RGS21: variants seen among roughly 807,000 people sequenced by gnomAD.
RGS21 encodes regulator of G-protein signalling 21.
In RGS21, 19 loss-of-function variants were observed where a neutral mutation model predicts 18.7. The ratio of observed to expected loss-of-function variants is 1.01; its 90% CI spans 0.71 to 1.49. RGS21 has a LOEUF of 1.49. Ranked by LOEUF, RGS21 falls within the 40% of genes most tolerant of loss-of-function variation. The probability of loss-of-function intolerance (pLI) is 0.00; values close to 1 mark genes in which losing one functional copy is unlikely to be tolerated. For missense variants in RGS21, 194 were observed against 176.8 expected (o/e 1.10, Z -0.55); for synonymous variants, 56 against 57.8 (o/e 0.97, Z 0.14).
rs953507965 is a variant in RGS21 at position 192,343,053 on chromosome 1, T to C, written c.11+6T>C. The C allele has an allele frequency of 1.2e-6, 2 of 1,612,470 alleles. No individual in the cohort carries two copies. The highest frequency in any genetic ancestry group is 2.2e-5 in the East Asian group (1 of 44,802). Reference sequence around the variant, plus strand: ...GAACGAAAAATGCCAGTGAAGTGAGTTGCCGTTTCCAGCTATTTTTATCTC... The same window carrying C: ...GAACGAAAAATGCCAGTGAAGTGAGCTGCCGTTTCCAGCTATTTTTATCTC... On this transcript the variant is annotated splice_donor_region_variant and intron_variant, in intron 2 of 4. Coordinates refer to ENST00000417209, the MANE Select transcript of RGS21 (RefSeq NM_001039152.3).
chr1:192,330,603 C>T (rs1252927221), intron 1 of RGS21, among the ~76,000 whole-genome samples: 1 of 152,136 alleles, frequency 6.6e-6, no homozygotes, highest in East Asian at 1.9e-4. Flanking sequence ...TAAGACTCTT[C>T]TAAGATATGT....
intron 2 of RGS21, among the ~76,000 whole-genome samples, chr1:192,345,865 TATAAC>T (rs548678915): frequency 7.2e-5 from 11 of 152,194 alleles, no homozygotes; most frequent in East Asian, 5.8e-4. Context: ...TTATATGAAA[TATAAC>T]ATAAGCTTAT....
At chr1:192,346,568 G>A (rs1658946733) in intron 2 of RGS21, among the ~76,000 whole-genome samples, 1 of 152,000 alleles carries the variant, frequency 6.6e-6, no homozygotes, top group Non-Finnish European at 1.5e-5. Context: ...ATTAAGAGGA[G>A]TAATGTATGA....
intron 1 of RGS21, among the ~76,000 whole-genome samples, chr1:192,328,692 T>A (rs1658603180): frequency 6.6e-6 from 1 of 152,174 alleles, no homozygotes; most frequent in Non-Finnish European, 1.5e-5. Flanking sequence ...AAATTTGATC[T>A]AGCAATCTCA....
chr1:192,342,902 G>A, intron 1 of RGS21, 75 bp from the exon 2 acceptor site: 1 of 813,762 alleles, frequency 1.2e-6, no homozygotes, highest in Non-Finnish European at 2.1e-6. Flanking sequence ...AGAATTTAAA[G>A]AATGCCAATT....
At chr1:192,363,197 A>G (rs1157290495) in intron 4 of RGS21, among the ~76,000 whole-genome samples, 1 of 152,162 alleles carries the variant, frequency 6.6e-6, no homozygotes, top group Non-Finnish European at 1.5e-5. Context: ...TGTAAAGGCC[A>G]TGAATGCCAA....
chr1:192,326,658 C>T (rs1571449042), intron 1 of RGS21, among the ~76,000 whole-genome samples: 1 of 152,232 alleles, frequency 6.6e-6, no homozygotes, highest in East Asian at 1.9e-4. Context: ...GAAATGCACA[C>T]AATGATAGAG....
intron 1 of RGS21, among the ~76,000 whole-genome samples, chr1:192,319,334 G>C (rs908433567): frequency 2.0e-5 from 3 of 151,936 alleles, no homozygotes; most frequent in Non-Finnish European, 2.9e-5. Context: ...CAAAATGTTT[G>C]TTTTCTAGGA....
intron 4 of RGS21, among the ~76,000 whole-genome samples, chr1:192,355,942 A>G (rs573879473): frequency 1.7e-3 from 264 of 151,732 alleles, no homozygotes; most frequent in Non-Finnish European, 3.2e-3. Flanking sequence ...TATAGTATCA[A>G]ATCATATCAT....
intron 1 of RGS21, among the ~76,000 whole-genome samples, chr1:192,324,297 G>A (rs1210668458): frequency 6.6e-6 from 1 of 152,030 alleles, no homozygotes; most frequent in East Asian, 1.9e-4. Flanking sequence ...TTTCTCATTA[G>A]GCAAGTTTTC....
intron 3 of RGS21, among the ~76,000 whole-genome samples, chr1:192,348,947 TTTAGAAATAA>T (rs148448703): frequency 6.4e-5 from 7 of 108,874 alleles, no homozygotes; most frequent in East Asian, 4.0e-4. Flanking sequence ...AAATGACTAA[TTTAGAAATAA>T]TTAGAAATAA....
rs368324399 is a variant in RGS21 at position 192,347,355 on chromosome 1, G to C, written c.54G>C (p.Trp18Cys). 4 of 1,607,310 alleles carry C rather than the reference G, an allele frequency of 2.5e-6. No individual in the cohort carries two copies. The highest frequency in any genetic ancestry group is 3.4e-6 in the Non-Finnish European group (4 of 1,174,794). The change falls in exon 3 of 5, where the codon TGG becomes TGC. Residue 18 changes from tryptophan to cysteine, a missense_variant. Trp to Cys is a radical substitution (Grantham distance 215). Transcript: ENST00000417209. ...CACCAACTGCGGAAACAATGACATGGTCTGAAAATATGGACACGCTTTTAG... is the reference window on the plus strand; with the variant it reads ...CACCAACTGCGGAAACAATGACATGCTCTGAAAATATGGACACGCTTTTAG... ...YRSPTAETMT[W>C]SENMDTLLAN... is the part of the protein sequence containing the mutation.
chr1:192,362,496 G>C (rs1170182238), intron 4 of RGS21, among the ~76,000 whole-genome samples: 2 of 152,210 alleles, frequency 1.3e-5, no homozygotes, highest in African/African-American at 2.4e-5. Flanking sequence ...ACAGGTGTCA[G>C]AGACAATTCC....
chr1:192,365,853 T>A, intron 4 of RGS21, 68 bp from the exon 5 acceptor site: 1 of 827,916 alleles, frequency 1.2e-6, no homozygotes, highest in Non-Finnish European at 2.0e-6. Context: ...TTTTAAATAA[T>A]ATATATGTAT....
At chr1:192,333,928 C>T (rs1658726890) in intron 1 of RGS21, among the ~76,000 whole-genome samples, 1 of 152,032 alleles carries the variant, frequency 6.6e-6, no homozygotes, top group South Asian at 2.1e-4. Flanking sequence ...TCTGTTCTGT[C>T]TTTATATCTG....
chr1:192,337,233 T>C (rs1199079875), intron 1 of RGS21, among the ~76,000 whole-genome samples: 1 of 152,080 alleles, frequency 6.6e-6, no homozygotes, highest in Non-Finnish European at 1.5e-5. Flanking sequence ...TGTACGTTTT[T>C]GAAATGCTAG....
chr1:192,335,179 C>T lies in RGS21; in HGVS notation c.-60-7798C>T, dbSNP rs533914661. 1.6e-3 allele frequency among the ~76,000 whole-genome samples: 247 copies of T among 152,128 alleles called. 1 individual carries two copies. The highest frequency in any genetic ancestry group is 5.6e-3 in the African/African-American group (234 of 41,516). ...ATGAACATAATTTGAAATTTTAAAT[C>T]GTGAAAGAACATGGATTTTGGAATC... On this transcript the variant is annotated intron_variant, in intron 1 of 4. Coordinates refer to ENST00000417209, the MANE Select transcript of RGS21 (RefSeq NM_001039152.3).
intron 1 of RGS21, among the ~76,000 whole-genome samples, chr1:192,335,476 G>A (rs527597152): frequency 2.4e-4 from 37 of 152,078 alleles, no homozygotes; most frequent in African/African-American, 4.1e-4. Context: ...TTAGTTTTAC[G>A]TATTGTTTTT....
chr1:192,324,519 T>C (rs1658539567), intron 1 of RGS21, among the ~76,000 whole-genome samples: 1 of 152,012 alleles, frequency 6.6e-6, no homozygotes, highest in South Asian at 2.1e-4. Flanking sequence ...AATTTCACAT[T>C]GGAAAAAACT....
Sources: gnomAD v4.1 joint callset for allele counts (sites outside exome capture counted in the v4.1 genomes callset) on GRCh38, gnomAD v4.1.1 for gene constraint, MANE v1.5 for transcripts, NCBI Gene and HGNC (gene_info 2026-07-23, HGNC 2026-07-21) for gene names.